MPG: variants seen among roughly 807,000 people sequenced by gnomAD.
MPG encodes the protein N-methylpurine DNA glycosylase.
MPG carries 33 observed loss-of-function variants against 31.7 expected under a neutral mutation model. The observed-to-expected ratio is 1.04, with a 90% confidence interval of 0.79 to 1.39. MPG has a LOEUF of 1.39. Among genes scored for constraint, MPG ranks in the 40% most tolerant of loss-of-function variants. The pLI is 0.00. For missense variants in MPG, 455 were observed against 415.5 expected, an observed-to-expected ratio of 1.10 and a Z score of -0.83; for synonymous variants, 202 against 169.2, an observed-to-expected ratio of 1.19 and a Z score of -1.51.
chr16:78,179 C>G (rs1015877704), upstream of MPG: 114 of 781,536 alleles, frequency 1.5e-4, 1 homozygote, highest in African/African-American at 2.0e-4. Flanking sequence ...CACTGCCCCC[C>G]TTCTCCCGGC....
rs1392233686 is a variant in MPG at position 79,912 on chromosome 16, C to G, written c.300+212C>G. 4.7e-6 allele frequency: 3 copies of G among 643,532 alleles called. No homozygotes were observed. The African/African-American group carries it at 5.5e-5, about 12-fold the overall frequency. 39.9% of individuals were successfully genotyped at this position (643,532 alleles called of 1,614,324 possible). Reference sequence around the variant, plus strand: ...TGTAGAGATTGTCAGTGCTGCTTGCCCAGGGTGGAGCAGGGGTGCCACTGT... The same window carrying G: ...TGTAGAGATTGTCAGTGCTGCTTGCGCAGGGTGGAGCAGGGGTGCCACTGT... On this transcript the variant is annotated intron_variant, in intron 2 of 3. Transcript: ENST00000356432.
In MPG at chr16:81,842, C is replaced by G. The variant is rs866101730; in HGVS notation, c.301-1210C>G. The stretch of plus-strand genomic sequence containing the variant: ...ACCACCCTATCTCCGGGAAGGCCTC[C>G]TGAATGCTCCCGGCGCTGACCCCTT... On this transcript the variant is annotated intron_variant, in intron 2 of 3. Coordinates refer to ENST00000356432, the MANE Select transcript of MPG (RefSeq NM_001015052.3). Among the ~76,000 whole-genome samples, 10 of 89,286 alleles carry G rather than the reference C, an allele frequency of 1.1e-4. 1 individual carries two copies. Among genetic ancestry groups the G allele is most frequent in the African/African-American group, 6.7e-4 (10 of 14,928 alleles). 58.6% of individuals were successfully genotyped at this position (89,286 alleles called of 152,430 possible). A position where few individuals can be genotyped will look rare whatever the true frequency, so the allele number is the denominator to read the frequency against.
intron 2 of MPG, among the ~76,000 whole-genome samples, chr16:82,621 C>T (rs1898281316): frequency 6.6e-6 from 1 of 152,190 alleles, no homozygotes; most frequent in Admixed American, 6.5e-5. Context: ...GCCCAGGTAG[C>T]TGGTGTGGGG....
In MPG at chr16:85,604, G is replaced by C. The variant is rs146387164; in HGVS notation, c.709G>C (p.Val237Leu). The C allele has an allele frequency of 5.9e-5, 95 of 1,610,076 alleles. No individual in the cohort carries two copies. The African/African-American group carries it at 1.2e-3, about 21-fold the overall frequency. Reference sequence around the variant, plus strand: ...GAGGGACCTGGCACAGGATGAAGCTGTATGGCTGGAGCGTGGTCCCCTGGA... The same window carrying C: ...GAGGGACCTGGCACAGGATGAAGCTCTATGGCTGGAGCGTGGTCCCCTGGA... ...DQRDLAQDEA[V>L]WLERGPLEPS... The change falls in exon 4 of 4, where the codon GTA becomes CTA. Residue 237 changes from valine (V) to leucine (L), a missense_variant. Transcript: ENST00000356432.
intron 2 of MPG, among the ~76,000 whole-genome samples, chr16:82,261 C>G (rs1325150715): frequency 6.6e-6 from 1 of 150,416 alleles, no homozygotes; most frequent in African/African-American, 2.4e-5. Flanking sequence ...CCCCGGCGAG[C>G]ATCTAAGCTC....
intron 3 of MPG, 86 bp from the exon 4 acceptor site, chr16:85,315 C>T (rs1022761069): frequency 5.9e-5 from 87 of 1,464,708 alleles, no homozygotes; most frequent in Non-Finnish European, 7.8e-5. Flanking sequence ...TGCACCCTCC[C>T]TGCAGCACAG....
intron 1 of MPG, chr16:78,993 C>T: frequency 2.3e-6 from 3 of 1,332,378 alleles, no homozygotes; most frequent in Admixed American, 3.4e-5. Context: ...TGCTAAGATC[C>T]TGTGTTTTGA....
Position 82,196 on chromosome 16 carries a change from C to T in MPG, c.301-856C>T, listed in dbSNP as rs947092103. 6.5e-5 allele frequency among the ~76,000 whole-genome samples: 6 copies of T among 92,030 alleles called. 1 individual carries two copies. The highest frequency in any genetic ancestry group is 2.3e-4 in the Admixed American group (2 of 8,866). 60.4% of individuals were successfully genotyped at this position (92,030 alleles called of 152,430 possible). A position where few individuals can be genotyped will look rare whatever the true frequency, so the allele number is the denominator to read the frequency against. On this transcript the variant is annotated intron_variant, in intron 2 of 3. Transcript: ENST00000356432. ...CCGGGAAGCCCTCCTGAATGCTCCC[C>T]GCGCTGACCCCTTCTTCCCACCACC...
intron 2 of MPG, among the ~76,000 whole-genome samples, chr16:80,576 G>C (rs375077744): frequency 6.6e-6 from 1 of 152,092 alleles, no homozygotes; most frequent in Non-Finnish European, 1.5e-5. Context: ...TTTGGGAGGC[G>C]GAGGTGGGTG....
chr16:78,231 A>T lies in MPG; in HGVS notation c.-79A>T. 7.7e-7 allele frequency: 1 copy of T among 1,305,546 alleles called. No individual in the cohort carries two copies. The highest frequency in any genetic ancestry group is 1.0e-6 in the Non-Finnish European group (1 of 1,003,674). The allele number at this position is 1,305,546 out of a possible 1,614,324, so 80.9% of individuals were successfully genotyped here. On this transcript the variant is annotated 5_prime_UTR_variant, in exon 1 of 4. Coordinates refer to ENST00000356432, the MANE Select transcript of MPG (RefSeq NM_001015052.3). ...GCAGGCGCCGCTCCGCCCCGGTCCT[A>T]GGGGTGCTTCCGTGGTCGGCGGCTG...
At chr16:79,222 A>G (rs372581454) in intron 1 of MPG, 113 of 1,550,984 alleles carry the variant, frequency 7.3e-5, no homozygotes, top group Non-Finnish European at 9.1e-5. Flanking sequence ...GCAGCCGTCC[A>G]TCGTCAGACG....
rs775819975 is a variant in MPG, at chr16:83,362, G to GCTC, written c.505+106_505+107insCTC. ...GAGGTGGGGCCAGCATTTGAGCGAGGAGGTGCCACTTCCAGGCCAGGCCAG... is the reference window on the plus strand; with the variant it reads ...GAGGTGGGGCCAGCATTTGAGCGAGGCTCAGGTGCCACTTCCAGGCCAGGCCAG... On this transcript the variant is annotated intron_variant, in intron 3 of 3. Coordinates refer to ENST00000356432, the MANE Select transcript of MPG (RefSeq NM_001015052.3). The GCTC allele has an allele frequency of 2.6e-6, 3 of 1,158,046 alleles. No homozygotes were observed. In the East Asian group the frequency reaches 7.1e-5, roughly 28 times the overall value. The allele number at this position is 1,158,046 out of a possible 1,614,324, so 71.7% of individuals were successfully genotyped here.
In MPG at chr16:83,092, G is replaced by A. The variant is rs1898296566; in HGVS notation, c.341G>A (p.Gly114Asp). The A allele has an allele frequency of 6.2e-7, 1 of 1,611,614 alleles. No individual in the cohort carries two copies. Residue 114 changes from glycine (G) to aspartate (D), a missense_variant, in exon 3 of 4, where the codon GGC (glycine) becomes GAC (aspartate). Transcript: ENST00000356432. ...CTTCCTAATGGCACAGAACTCCGAG[G>A]CCGCATCGTGGAGACCGAGGCATAC... ...RRLPNGTELR[G>D]RIVETEAYLG...
At chr16:78,221 C>T (rs1567122502), upstream of MPG, 1 of 1,237,508 alleles carries the variant, frequency 8.1e-7, no homozygotes, top group Non-Finnish European at 1.0e-6. Context: ...CGCCGCTCCG[C>T]CCCGGTCCTA....
intron 2 of MPG, 35 bp from the exon 3 acceptor site, chr16:83,017 C>T: frequency 6.5e-7 from 1 of 1,533,900 alleles, no homozygotes. Flanking sequence ...GACCCCCATC[C>T]CTTCCCGCCC....
chr16:79,241 T>C (rs1898172395), intron 1 of MPG, 184 bp from the exon 2 acceptor site: 3 of 1,552,406 alleles, frequency 1.9e-6, no homozygotes, highest in Non-Finnish European at 2.6e-6. Flanking sequence ...CGTGATCATT[T>C]CCTGAGGCCT....
chr16:79,200 C>T, intron 1 of MPG: 5 of 1,549,130 alleles, frequency 3.2e-6, no homozygotes, highest in Non-Finnish European at 4.4e-6. Flanking sequence ...AGCAGCCACC[C>T]TGCCCCCAGC....
In MPG at chr16:79,486, C is replaced by G. The variant is rs749084437; in HGVS notation, c.86C>G (p.Ser29Trp). 2 of 1,612,822 alleles carry G rather than the reference C, an allele frequency of 1.2e-6. No individual in the cohort carries two copies. Among genetic ancestry groups the G allele is most frequent in the East Asian group, 2.2e-5 (1 of 44,884 alleles). ...GCTAGAGCAGGGCAGCCACACAGCT[C>G]GTCCGACGCAGCCCAGGCACCTGCA... ...RPARAGQPHS[S>W]SDAAQAPAEQ... The change falls in exon 2 of 4, where the codon TCG becomes TGG. Residue 29 changes from serine (S) to tryptophan (W), a missense_variant. Ser to Trp is a radical substitution (Grantham distance 177). Coordinates refer to ENST00000356432, the MANE Select transcript of MPG (RefSeq NM_001015052.3).
At chr16:81,211 A>T (rs1003998733) in intron 2 of MPG, among the ~76,000 whole-genome samples, 4 of 152,170 alleles carry the variant, frequency 2.6e-5, no homozygotes, top group Non-Finnish European at 5.9e-5. Flanking sequence ...TCTGCCAACA[A>T]GGAAGAGGGG....
Sources: allele counts gnomAD v4.1 joint callset (sites outside exome capture counted in the v4.1 genomes callset), GRCh38; gene constraint gnomAD v4.1.1; transcripts MANE v1.5; gene names NCBI Gene and HGNC (gene_info 2026-07-23, HGNC 2026-07-21).